Variants in GLI3 observed in about 807,000 individuals in gnomAD.
The protein encoded by GLI3 is transcription activator GLI3.
GLI3 carries 20 observed loss-of-function variants against 100.8 expected under a neutral mutation model. The observed-to-expected ratio is 0.20, with a 90% CI of 0.14 to 0.29. The LOEUF is 0.29. Among genes scored for constraint, GLI3 ranks in the 10% least tolerant of loss-of-function variants. GLI3 has a pLI of 1.00. For synonymous variants in GLI3, 938 were observed against 860.5 expected (o/e 1.09, Z -1.58); for missense variants, 2,040 against 2,128.5 (o/e 0.96, Z 0.82).
chr7:42,000,239 G>A (rs1788248777), intron 10 of GLI3, among the ~76,000 whole-genome samples: 1 of 152,232 alleles, frequency 6.6e-6, no homozygotes, highest in African/African-American at 2.4e-5. Flanking sequence ...GTAGAGTAGA[G>A]TGAGAATTAG....
At position 41,968,743 on chromosome 7, in the gene GLI3, A is replaced by AGAAAGAAGGAAG. The variant is rs1554305458; in HGVS notation, c.2104-821_2104-820insCTTCCTTCTTTC. Among the ~76,000 whole-genome samples the AGAAAGAAGGAAG allele has an allele frequency of 1.1e-3, 141 of 129,790 alleles. 1 individual carries two copies. Among genetic ancestry groups the AGAAAGAAGGAAG allele is most frequent in the Admixed American group, 2.8e-3 (39 of 13,690 alleles). 85.1% of individuals were successfully genotyped at this position (129,790 alleles called of 152,430 possible). A position where few individuals can be genotyped will look rare whatever the true frequency, so the allele number is the denominator to read the frequency against. On this transcript the variant is annotated intron_variant, in intron 13 of 14. Transcript: ENST00000395925. ...AAGAAAGAAAGAAAGAAAGAAAGAAAGAAAGAAAGAAAGAAAGAAGGAAAG... is the reference window on the plus strand; with the variant it reads ...AAGAAAGAAAGAAAGAAAGAAAGAAAGAAAGAAGGAAGGAAAGAAAGAAAGAAAGAAGGAAAG...
intron 10 of GLI3, among the ~76,000 whole-genome samples, chr7:41,999,323 C>T (rs1030305378): frequency 6.6e-6 from 1 of 152,180 alleles, no homozygotes; most frequent in Admixed American, 6.5e-5. Flanking sequence ...GCAGCGTAGT[C>T]TTGACTTATG....
chr7:41,993,018 G>T (rs550095056), intron 10 of GLI3, among the ~76,000 whole-genome samples: 143 of 152,290 alleles, frequency 9.4e-4, no homozygotes, highest in African/African-American at 3.1e-3. Flanking sequence ...CATGCTGCCT[G>T]CAAAATTCAG....
At chr7:42,138,333 CACAT>C (rs1357223774) in intron 3 of GLI3, among the ~76,000 whole-genome samples, 5 of 152,304 alleles carry the variant, frequency 3.3e-5, no homozygotes, top group African/African-American at 1.2e-4. Context: ...ATGTGATAAA[CACAT>C]ACTGCATTTA....
intron 3 of GLI3, among the ~76,000 whole-genome samples, chr7:42,097,453 GA>G (rs1280620435): frequency 6.6e-6 from 1 of 152,164 alleles, no homozygotes; most frequent in East Asian, 1.9e-4. Context: ...GGTTAAGCAC[GA>G]GGGGAGATGC....
At chr7:42,076,708 G>T in intron 4 of GLI3, 44 bp downstream of exon 4, 1 of 1,213,590 alleles carries the variant, frequency 8.2e-7, no homozygotes, top group Non-Finnish European at 1.2e-6. Context: ...GTAAAAGCCA[G>T]CATCTCGTTC....
intron 1 of GLI3, among the ~76,000 whole-genome samples, chr7:42,258,703 A>G (rs1281675215): frequency 6.6e-6 from 1 of 152,196 alleles, no homozygotes; most frequent in Non-Finnish European, 1.5e-5. Flanking sequence ...TTTTCACTGT[A>G]ACCTCACATG....
At chr7:42,082,326 T>C (rs80011962) in intron 3 of GLI3, among the ~76,000 whole-genome samples, 3,004 of 152,140 alleles carry the variant, frequency 0.02, 92 homozygotes, top group African/African-American at 0.065. Flanking sequence ...TGGGAGGCCA[T>C]TTGGACTGAC....
chr7:42,183,642 C>T (rs1230459741), intron 2 of GLI3, among the ~76,000 whole-genome samples: 1 of 152,204 alleles, frequency 6.6e-6, no homozygotes, highest in East Asian at 1.9e-4. Context: ...AATCCCTACA[C>T]CGCCGTCAAA....
chr7:41,978,454 C>A (rs547970337), intron 11 of GLI3, 145 bp downstream of exon 11: 1 of 799,242 alleles, frequency 1.3e-6, no homozygotes, highest in East Asian at 2.5e-5. Context: ...ACTCAAACAC[C>A]GAGGCATTTA....
intron 2 of GLI3, among the ~76,000 whole-genome samples, chr7:42,159,059 A>G (rs1713195417): frequency 6.6e-6 from 1 of 152,022 alleles, no homozygotes; most frequent in South Asian, 2.1e-4. Context: ...TCTTCTTGTC[A>G]CCCTATTTCT....
chr7:42,240,269 C>A (rs534794368), upstream of GLI3, among the ~76,000 whole-genome samples: 1 of 152,200 alleles, frequency 6.6e-6, no homozygotes, highest in South Asian at 2.1e-4. Flanking sequence ...ATAGTAAGTC[C>A]TCAGAATAGT....
intron 3 of GLI3, among the ~76,000 whole-genome samples, chr7:42,082,576 C>T (rs1244917669): frequency 6.6e-6 from 1 of 152,130 alleles, no homozygotes; most frequent in Non-Finnish European, 1.5e-5. Flanking sequence ...GCAGAATCCC[C>T]ACAGCATCAC....
At chr7:42,093,040 C>A (rs1336004203) in intron 3 of GLI3, among the ~76,000 whole-genome samples, 1 of 151,906 alleles carries the variant, frequency 6.6e-6, no homozygotes, top group East Asian at 2.0e-4. Context: ...TTTCAAACTT[C>A]TGACCTCAGG....
chr7:42,049,729 C>T (rs1784315573), intron 4 of GLI3, among the ~76,000 whole-genome samples: 1 of 152,188 alleles, frequency 6.6e-6, no homozygotes, highest in African/African-American at 2.4e-5. Context: ...GCATAACCTC[C>T]TGGACCACCA....
intron 2 of GLI3, among the ~76,000 whole-genome samples, chr7:42,191,112 A>G: frequency 6.6e-6 from 1 of 152,196 alleles, no homozygotes; most frequent in East Asian, 1.9e-4. Flanking sequence ...TGTTACATAA[A>G]ACAGAAATAC....
chr7:42,184,132 G>A (rs1349083332), intron 2 of GLI3, among the ~76,000 whole-genome samples: 1 of 152,192 alleles, frequency 6.6e-6, no homozygotes, highest in Non-Finnish European at 1.5e-5. Flanking sequence ...CACTCTCTAG[G>A]AGGTGCCCTC....
intron 12 of GLI3, among the ~76,000 whole-genome samples, chr7:41,976,063 A>G (rs778309638): frequency 1.9e-4 from 29 of 152,146 alleles, no homozygotes; most frequent in Non-Finnish European, 3.2e-4. Flanking sequence ...CACCACCCCA[A>G]CAAAAAAACC....
intron 7 of GLI3, among the ~76,000 whole-genome samples, chr7:42,032,663 A>G (rs569843945): frequency 3.3e-4 from 50 of 152,340 alleles, no homozygotes; most frequent in African/African-American, 1.2e-3. Context: ...TTCCTTAACA[A>G]TGGTACTATA....
Sources: gnomAD v4.1 joint callset for allele counts (sites outside exome capture counted in the v4.1 genomes callset) on GRCh38, gnomAD v4.1.1 for gene constraint, MANE v1.5 for transcripts, NCBI Gene and HGNC (gene_info 2026-07-23, HGNC 2026-07-21) for gene names.